Variants in ACAP2 observed in about 807,000 individuals in gnomAD.
ACAP2 encodes the protein arf-GAP with coiled-coil, ANK repeat and PH domain-containing protein 2.
In ACAP2, 39 loss-of-function variants were observed where a neutral mutation model predicts 115.8. That is an observed-to-expected ratio of 0.34 (90% confidence interval 0.26 to 0.44). The LOEUF (loss-of-function observed/expected upper bound fraction) is 0.44, where lower values mean the gene tolerates loss of function less well. ACAP2 is among the 20% of genes least tolerant of loss of function. The pLI is 1.00. For missense variants in ACAP2, 662 were observed against 927.6 expected, an observed-to-expected ratio of 0.71 and a Z score of 3.72; for synonymous variants, 289 against 315.8, an observed-to-expected ratio of 0.92 and a Z score of 0.90.
chr3:195,416,163 C>T (rs1036093235), intron 1 of ACAP2, among the ~76,000 whole-genome samples: 6 of 151,978 alleles, frequency 3.9e-5, no homozygotes, highest in African/African-American at 9.7e-5. Context: ...CTGGCTAACA[C>T]GGTGAAACCC....
At chr3:195,430,144 G>A (rs1240436783) in intron 1 of ACAP2, among the ~76,000 whole-genome samples, 1 of 152,166 alleles carries the variant, frequency 6.6e-6, no homozygotes, top group Non-Finnish European at 1.5e-5. Flanking sequence ...TTTCTGCCAA[G>A]ATGATCTGCC....
intron 9 of ACAP2, chr3:195,325,392 T>C (rs1729717664): frequency 2.3e-6 from 1 of 426,634 alleles, no homozygotes; most frequent in Non-Finnish European, 4.6e-6. Flanking sequence ...AGACATACTT[T>C]CCCTTAGTTT....
rs777984433 is a variant in ACAP2 at position 195,291,826 on chromosome 3, A to G, written c.1954-11T>C. On this transcript the variant is annotated splice_polypyrimidine_tract_variant and intron_variant, in intron 19 of 22. Coordinates refer to ENST00000326793, the MANE Select transcript of ACAP2 (RefSeq NM_012287.6). ...CGTCACCAAAGAGCCCTTAAAGGAA[A>G]AAAGAGGATAACTATAGACAAAAGC... The G allele has an allele frequency of 6.3e-7, 1 of 1,599,876 alleles. No homozygotes were observed.
chr3:195,283,501 C>T (rs1726641983), intron 22 of ACAP2, among the ~76,000 whole-genome samples: 1 of 152,172 alleles, frequency 6.6e-6, no homozygotes, highest in Non-Finnish European at 1.5e-5. Flanking sequence ...CTGAGGTTTT[C>T]ATTCTATTGC....
At chr3:195,310,255 CT>C (rs1728676867) in intron 10 of ACAP2, among the ~76,000 whole-genome samples, 1 of 152,124 alleles carries the variant, frequency 6.6e-6, no homozygotes, top group South Asian at 2.1e-4. Flanking sequence ...GAGGAATCGC[CT>C]TTACCATTAA....
chr3:195,315,851 T>C (rs1729053523), intron 10 of ACAP2, among the ~76,000 whole-genome samples: 2 of 152,210 alleles, frequency 1.3e-5, no homozygotes, highest in African/African-American at 4.8e-5. Context: ...CATTTTAATA[T>C]CTATGCCAAT....
chr3:195,309,819 TAGAC>T (rs974719888), intron 10 of ACAP2, among the ~76,000 whole-genome samples: 42 of 152,110 alleles, frequency 2.8e-4, no homozygotes, highest in African/African-American at 9.4e-4. Context: ...TGTAAATTAT[TAGAC>T]AAACAATTTA....
At position 195,326,872 on chromosome 3, in the gene ACAP2, TCCCCTGAGGTA is replaced by T; in HGVS notation, c.744+2_744+12del. 1 of 1,613,436 alleles carries T rather than the reference TCCCCTGAGGTA, an allele frequency of 6.2e-7. No homozygotes were observed. The highest frequency in any genetic ancestry group is 8.5e-7 in the Non-Finnish European group (1 of 1,179,498). ...TAAAGTGGAATTAATTTTTAATTTT[TCCCCTGAGGTA>T]CCTTTTGTTGAATGGTGGAATGTTT... is the stretch of plus-strand genomic sequence containing the variant. On this transcript the variant is annotated splice_donor_variant and splice_donor_5th_base_variant and intron_variant, in intron 9 of 22. Coordinates refer to ENST00000326793, the MANE Select transcript of ACAP2 (RefSeq NM_012287.6). LOFTEE classifies it high-confidence loss of function.
At chr3:195,436,128 TATATA>T (rs1715524024) in intron 1 of ACAP2, among the ~76,000 whole-genome samples, 1 of 132,316 alleles carries the variant, frequency 7.6e-6, no homozygotes, top group African/African-American at 2.8e-5. Flanking sequence ...TGTATATATA[TATATA>T]TTTTTTTTTT....
chr3:195,356,089 A>AAT (rs1731943893), intron 4 of ACAP2: 2 of 456,456 alleles, frequency 4.4e-6, no homozygotes, highest in East Asian at 1.4e-4. Flanking sequence ...TGAAAGAGGC[A>AAT]GTGAAGAGGA....
chr3:195,315,752 T>C (rs759596455), intron 10 of ACAP2, among the ~76,000 whole-genome samples: 9 of 152,244 alleles, frequency 5.9e-5, no homozygotes, highest in Non-Finnish European at 1.0e-4. Context: ...CAGCCTAATT[T>C]CCAAAGGCAT....
At chr3:195,296,737 C>T (rs918352350) in intron 16 of ACAP2, among the ~76,000 whole-genome samples, 1 of 152,144 alleles carries the variant, frequency 6.6e-6, no homozygotes, top group Non-Finnish European at 1.5e-5. Context: ...CAGAGGCACA[C>T]TTTGCATCTT....
chr3:195,357,405 C>G (rs927230357), intron 4 of ACAP2, among the ~76,000 whole-genome samples: 1 of 152,130 alleles, frequency 6.6e-6, no homozygotes. Flanking sequence ...ATTCACCACC[C>G]CGAAGGGAAA....
chr3:195,284,769 A>G (rs1726732880), intron 22 of ACAP2, among the ~76,000 whole-genome samples: 2 of 152,224 alleles, frequency 1.3e-5, no homozygotes, highest in Admixed American at 6.5e-5. Context: ...AAACCTACTC[A>G]TTGCAAACTG....
At chr3:195,334,095 A>G (rs573431895) in intron 7 of ACAP2, among the ~76,000 whole-genome samples, 1 of 152,278 alleles carries the variant, frequency 6.6e-6, no homozygotes, top group Admixed American at 6.5e-5. Flanking sequence ...AATTAAATGA[A>G]TAATACTGAA....
chr3:195,320,940 T>A, intron 9 of ACAP2, 127 bp from the exon 10 acceptor site: 1 of 554,804 alleles, frequency 1.8e-6, no homozygotes, highest in Non-Finnish European at 3.2e-6. Context: ...ACAATATTAA[T>A]AAGAAAAATG....
intron 20 of ACAP2, among the ~76,000 whole-genome samples, chr3:195,291,386 T>C (rs1018296410): frequency 7.2e-5 from 11 of 152,224 alleles, no homozygotes; most frequent in African/African-American, 2.7e-4. Context: ...TGTACATACA[T>C]ACATAAACAC....
chr3:195,394,900 A>AG (rs1192935451), intron 1 of ACAP2, among the ~76,000 whole-genome samples: 1 of 150,034 alleles, frequency 6.7e-6, no homozygotes, highest in Non-Finnish European at 1.5e-5. Flanking sequence ...CCTGGGCCAC[A>AG]GGGCAAGACT....
chr3:195,330,053 C>G (rs1730064429), intron 8 of ACAP2, among the ~76,000 whole-genome samples: 1 of 152,086 alleles, frequency 6.6e-6, no homozygotes, highest in Non-Finnish European at 1.5e-5. Flanking sequence ...CACCCCCCAT[C>G]AACTCACCCA....
Sources: allele counts gnomAD v4.1 joint callset (sites outside exome capture counted in the v4.1 genomes callset), GRCh38; gene constraint gnomAD v4.1.1; transcripts MANE v1.5; gene names NCBI Gene and HGNC (gene_info 2026-07-23, HGNC 2026-07-21).